Variants in DPYD observed in about 807,000 individuals in gnomAD.
The protein encoded by DPYD is dihydropyrimidine dehydrogenase [NADP(+)].
In DPYD, 109 loss-of-function variants were observed where a neutral mutation model predicts 116.2. That is an observed-to-expected ratio of 0.94 (90% CI 0.80 to 1.10). The LOEUF (loss-of-function observed/expected upper bound fraction) is 1.10. DPYD is among the 50% of genes least tolerant of loss of function. The pLI, the probability that DPYD is intolerant of heterozygous loss-of-function variation, is 0.00. For synonymous variants in DPYD, 440 were observed against 432.0 expected, an observed-to-expected ratio of 1.02 and a Z score of -0.23; for missense variants, 1,302 against 1,254.5, an observed-to-expected ratio of 1.04 and a Z score of -0.57.
At chr1:97,085,487 T>C (rs1164801834) in intron 21 of DPYD, among the ~76,000 whole-genome samples, 2 of 152,174 alleles carry the variant, frequency 1.3e-5, no homozygotes, top group Non-Finnish European at 1.5e-5. Flanking sequence ...ATTCATCCCT[T>C]ATTAAGTACA....
intron 8 of DPYD, among the ~76,000 whole-genome samples, chr1:97,630,676 C>G (rs920538528): frequency 1.3e-5 from 2 of 152,072 alleles, no homozygotes; most frequent in African/African-American, 4.8e-5. Flanking sequence ...AGTTTTGCTA[C>G]CAGAAACTTT....
chr1:97,253,450 G>A (rs1663242645), intron 18 of DPYD, among the ~76,000 whole-genome samples: 1 of 152,114 alleles, frequency 6.6e-6, no homozygotes, highest in African/African-American at 2.4e-5. Flanking sequence ...ACTTAGATAT[G>A]TGAGGGTATT....
At position 97,914,849 on chromosome 1, in the gene DPYD, T is replaced by C. The variant is rs149628755; in HGVS notation, c.39+6035A>G. Reference sequence around the variant, plus strand: ...TTCAGTAACTTTTTCACAATAGATATATGCAACATTTATAAATCTATAATG... The same window carrying C: ...TTCAGTAACTTTTTCACAATAGATACATGCAACATTTATAAATCTATAATG... On this transcript the variant is annotated intron_variant, in intron 1 of 22. Transcript: ENST00000370192. Among the ~76,000 whole-genome samples, 134 of 152,304 alleles carry C rather than the reference T, an allele frequency of 8.8e-4. 1 individual carries two copies. The highest frequency in any genetic ancestry group is 3.1e-3 in the African/African-American group (129 of 41,582).
chr1:97,450,273 T>C (rs568558990), intron 13 of DPYD, 50 bp from the exon 14 acceptor site: 4 of 1,595,228 alleles, frequency 2.5e-6, no homozygotes, highest in South Asian at 2.2e-5. Flanking sequence ...AGAAAAGCTA[T>C]AATCTTTATT....
chr1:97,194,655 C>T (rs1570642851), intron 19 of DPYD, among the ~76,000 whole-genome samples: 1 of 152,028 alleles, frequency 6.6e-6, no homozygotes, highest in Non-Finnish European at 1.5e-5. Context: ...CAGGGACACA[C>T]CACCATGTCC....
chr1:97,913,798 G>A (rs993530957), intron 1 of DPYD, among the ~76,000 whole-genome samples: 2 of 152,084 alleles, frequency 1.3e-5, no homozygotes, highest in East Asian at 3.9e-4. Flanking sequence ...GGGCTTTGAG[G>A]GGTTGAGGTG....
chr1:97,122,410 TATAAAGC>T (rs1437498968), intron 20 of DPYD, among the ~76,000 whole-genome samples: 2 of 152,178 alleles, frequency 1.3e-5, no homozygotes, highest in East Asian at 3.9e-4. Flanking sequence ...AGTACTAGGC[TATAAAGC>T]TTAAGAACTA....
intron 16 of DPYD, among the ~76,000 whole-genome samples, chr1:97,317,634 C>T (rs968018182): frequency 2.6e-5 from 4 of 151,922 alleles, no homozygotes; most frequent in Non-Finnish European, 5.9e-5. Context: ...AGAAAACAAC[C>T]ACAAGCATAA....
chr1:97,555,087 C>A (rs1651595157), intron 11 of DPYD, among the ~76,000 whole-genome samples: 1 of 152,116 alleles, frequency 6.6e-6, no homozygotes, highest in South Asian at 2.1e-4. Flanking sequence ...TCCACGGTCA[C>A]CAAATTCTGT....
At chr1:97,177,250 G>C (rs1657346859) in intron 20 of DPYD, among the ~76,000 whole-genome samples, 1 of 152,102 alleles carries the variant, frequency 6.6e-6, no homozygotes, top group Non-Finnish European at 1.5e-5. Context: ...AGAAATAATA[G>C]AGAAATATGA....
intron 12 of DPYD, among the ~76,000 whole-genome samples, chr1:97,533,765 G>A (rs1649805127): frequency 6.6e-6 from 1 of 152,150 alleles, no homozygotes. Context: ...ATTTCTAGAA[G>A]GAGAATTCTC....
intron 10 of DPYD, among the ~76,000 whole-genome samples, chr1:97,586,509 T>G (rs1316539802): frequency 1.8e-5 from 2 of 108,432 alleles, no homozygotes; most frequent in African/African-American, 7.0e-5. Flanking sequence ...TATATATATA[T>G]ATATATATAT....
At chr1:97,615,337 T>C (rs764586712) in intron 8 of DPYD, among the ~76,000 whole-genome samples, 2 of 152,150 alleles carry the variant, frequency 1.3e-5, no homozygotes, top group African/African-American at 4.8e-5. Context: ...AATATATTCA[T>C]AGAGCACTTA....
At chr1:97,564,091 A>C (rs1238894698) in intron 11 of DPYD, among the ~76,000 whole-genome samples, 3 of 152,216 alleles carry the variant, frequency 2.0e-5, no homozygotes, top group East Asian at 3.9e-4. Context: ...GCACTGTACA[A>C]AGAAGGCAAA....
At chr1:97,549,825 T>A (rs1029951466) in intron 11 of DPYD, 81 bp from the exon 12 acceptor site, 1 of 1,271,180 alleles carries the variant, frequency 7.9e-7, no homozygotes, top group Non-Finnish European at 1.1e-6. Flanking sequence ...TTAAGAAAAA[T>A]TATGGTTTAA....
chr1:97,216,002 A>G (rs921950048), intron 19 of DPYD, among the ~76,000 whole-genome samples: 2 of 152,216 alleles, frequency 1.3e-5, no homozygotes, highest in Non-Finnish European at 2.9e-5. Context: ...CTATTGATCT[A>G]CAATTGAATA....
chr1:97,334,964 C>T (rs1347443132), intron 16 of DPYD, among the ~76,000 whole-genome samples: 1 of 152,082 alleles, frequency 6.6e-6, no homozygotes, highest in African/African-American at 2.4e-5. Context: ...TGTGTTACCA[C>T]GGAGGTTCTG....
intron 1 of DPYD, among the ~76,000 whole-genome samples, chr1:97,907,648 A>G (rs529721264): frequency 1.3e-5 from 2 of 152,152 alleles, no homozygotes; most frequent in South Asian, 4.1e-4. Flanking sequence ...CCCCAGTCTC[A>G]TTTATTCCTA....
intron 21 of DPYD, among the ~76,000 whole-genome samples, chr1:97,086,595 TG>T (rs1649538087): frequency 6.6e-6 from 1 of 152,228 alleles, no homozygotes; most frequent in South Asian, 2.1e-4. Context: ...TTGATTAGCA[TG>T]TATCATATCA....
Sources: gnomAD v4.1 joint callset for allele counts (sites outside exome capture counted in the v4.1 genomes callset) on GRCh38, gnomAD v4.1.1 for gene constraint, MANE v1.5 for transcripts, NCBI Gene and HGNC (gene_info 2026-07-23, HGNC 2026-07-21) for gene names.